The following GSE1 variants were observed in gnomAD, a reference collection of about 807,000 sequenced individuals.
GSE1 encodes Gse1 coiled-coil protein.
GSE1 carries 32 observed loss-of-function variants against 112.6 expected under a neutral mutation model. The observed-to-expected ratio is 0.28, with a 90% confidence interval of 0.21 to 0.38. The LOEUF (loss-of-function observed/expected upper bound fraction) is 0.38, where lower values mean the gene tolerates loss of function less well. Ranked by LOEUF, GSE1 falls within the 10% of genes least tolerant of loss-of-function variation. The probability of loss-of-function intolerance (pLI) is 1.00; values close to 1 mark genes in which losing one functional copy is unlikely to be tolerated. For synonymous variants in GSE1, 1,115 were observed against 735.6 expected (o/e 1.52, Z -8.35); for missense variants, 2,348 against 1,699.2 (o/e 1.38, Z -6.71).
chr16:85,254,628 C>T (rs1043950109), intron 1 of GSE1, among the ~76,000 whole-genome samples: 3 of 152,172 alleles, frequency 2.0e-5, no homozygotes, highest in South Asian at 2.1e-4. Flanking sequence ...CACACATCCT[C>T]GCGCCTCGCT....
intron 2 of GSE1, among the ~76,000 whole-genome samples, chr16:85,509,900 C>T (rs767563744): frequency 2.0e-5 from 3 of 152,204 alleles, no homozygotes; most frequent in South Asian, 2.1e-4. Context: ...CCCCTGCAGA[C>T]GGTTCCTCTG....
At chr16:85,651,551 G>A (rs1382995344) in intron 3 of GSE1, among the ~76,000 whole-genome samples, 1 of 152,208 alleles carries the variant, frequency 6.6e-6, no homozygotes, top group Non-Finnish European at 1.5e-5. Flanking sequence ...TTGTGGCGGG[G>A]CGGCTGGGGC....
chr16:85,354,701 G>T (rs1486873302), intron 1 of GSE1, among the ~76,000 whole-genome samples: 1 of 152,238 alleles, frequency 6.6e-6, no homozygotes, highest in African/African-American at 2.4e-5. Flanking sequence ...ATGCAGATGC[G>T]GCCCAGCATG....
At chr16:85,567,618 C>A (rs1261158229) in intron 1 of GSE1, among the ~76,000 whole-genome samples, 1 of 152,228 alleles carries the variant, frequency 6.6e-6, no homozygotes, top group Non-Finnish European at 1.5e-5. Flanking sequence ...GCTGCACGGC[C>A]TTTTAGGGCC....
chr16:85,312,206 G>GGGGGC lies in GSE1; in HGVS notation c.2284-45253_2284-45252insCGGGG, dbSNP rs1555559862. Among the ~76,000 whole-genome samples, 26 of 141,458 alleles carry GGGGGC rather than the reference G, an allele frequency of 1.8e-4. 4 individuals are homozygous for GGGGGC. The highest frequency in any genetic ancestry group is 3.4e-4 in the Non-Finnish European group (22 of 64,108). The allele number at this position is 141,458 out of a possible 152,430, so 92.8% of individuals were successfully genotyped here. ...CTGTGGTCTCTCTGATCCTCTTGCG[G>GGGGGC]GGGGGGGGGGGACACACTTACCCCC... On this transcript the variant is annotated intron_variant, in intron 1 of 2. Coordinates refer to the GSE1 transcript ENST00000637419.
In GSE1 at chr16:85,666,329, G is replaced by T. The variant is rs1330226942; in HGVS notation, c.3112G>T (p.Ala1038Ser). ...HESVLQSTQKALQKHKGSVAV... is the reference protein window; with the variant it reads ...HESVLQSTQKSLQKHKGSVAV... ...GTCAGTGCTGCAGTCCACCCAGAAG[G>T]CCCTGCAGAAGCATAAAGGTAATGA... Residue 1038 changes from alanine (A) to serine (S), a missense_variant, in exon 13 of 16, where the codon GCC becomes TCC. Ala to Ser is a moderately conservative substitution (Grantham distance 99). Transcript: ENST00000253458. 2.5e-6 allele frequency: 4 copies of T among 1,613,768 alleles called. No individual in the cohort carries two copies. Among genetic ancestry groups the T allele is most frequent in the Non-Finnish European group, 1.7e-6 (2 of 1,180,024 alleles).
chr16:85,246,259 A>G (rs1356306800), intron 1 of GSE1, among the ~76,000 whole-genome samples: 148 of 132,134 alleles, frequency 1.1e-3, no homozygotes, highest in African/African-American at 3.7e-3. Flanking sequence ...CGCTGTCTAC[A>G]CACACACACA....
intron 2 of GSE1, among the ~76,000 whole-genome samples, chr16:85,482,862 C>T (rs1481020303): frequency 6.6e-6 from 1 of 152,050 alleles, no homozygotes; most frequent in Non-Finnish European, 1.5e-5. Flanking sequence ...CCTGTAATCT[C>T]AGCTCCTTGG....
intron 2 of GSE1, among the ~76,000 whole-genome samples, chr16:85,408,131 CT>C (rs1373879673): frequency 2.0e-5 from 1 of 48,956 alleles, no homozygotes; most frequent in Non-Finnish European, 4.2e-5. Flanking sequence ...CTCAGGCCCC[CT>C]GGATAATCCT....
intron 1 of GSE1, among the ~76,000 whole-genome samples, chr16:85,356,540 T>A (rs1330820645): frequency 6.6e-6 from 1 of 152,190 alleles, no homozygotes; most frequent in Non-Finnish European, 1.5e-5. Flanking sequence ...CTGGCCAGCT[T>A]GTGGCGTAGA....
At chr16:85,266,931 C>G (rs192959102) in intron 1 of GSE1, among the ~76,000 whole-genome samples, 1 of 152,182 alleles carries the variant, frequency 6.6e-6, no homozygotes, top group Admixed American at 6.5e-5. Flanking sequence ...TTCTGGACAT[C>G]TGGTGCCTGC....
chr16:85,192,819 G>A (rs996987162), intron 1 of GSE1, among the ~76,000 whole-genome samples: 3 of 152,142 alleles, frequency 2.0e-5, no homozygotes, highest in Non-Finnish European at 4.4e-5. Flanking sequence ...AGAAGGCGAT[G>A]GGGTCGAGGC....
chr16:85,323,342 C>T (rs755508570), intron 1 of GSE1, among the ~76,000 whole-genome samples: 8 of 152,094 alleles, frequency 5.3e-5, no homozygotes, highest in Non-Finnish European at 8.8e-5. Context: ...AATTAGTGGC[C>T]CACTTGGACT....
Position 85,169,771 on chromosome 16 carries a change from TGC to T in GSE1, c.249_250del (p.Leu85GlyfsTer168). 2.0e-6 allele frequency: 2 copies of T among 983,864 alleles called. No homozygotes were observed. The highest frequency in any genetic ancestry group is 2.4e-6 in the Non-Finnish European group (2 of 829,400). The allele number at this position is 983,864 out of a possible 1,614,324, so 60.9% of individuals were successfully genotyped here. The stretch of plus-strand genomic sequence containing the variant: ...GCGCGAGCTGTCCCCGGCCGACGGC[TGC>T]GTGTTGGTGTGCGCCGTGTGCCGCT... On this transcript the variant is annotated frameshift_variant, in exon 1 of 3. Transcript: ENST00000637419. LOFTEE classifies it high-confidence loss of function.
chr16:85,566,458 G>A (rs1032220805), intron 1 of GSE1, among the ~76,000 whole-genome samples: 2 of 152,240 alleles, frequency 1.3e-5, no homozygotes, highest in African/African-American at 2.4e-5. Flanking sequence ...AAGGAAAGCC[G>A]AACTGGGTGA....
chr16:85,662,178 G>A, intron 9 of GSE1: 1 of 168,406 alleles, frequency 5.9e-6, no homozygotes, highest in Non-Finnish European at 1.3e-5. Context: ...GTGGGTCAGG[G>A]GTTGAGGACG....
rs556102091 is a variant in GSE1 at position 85,675,906 on chromosome 16, A to C, written c.*3367A>C. ...CTTTTCCATCCAGTGCTTAACCTAA[A>C]AAACTCCTTAACTCTGCCTTGACCT... is the stretch of plus-strand genomic sequence containing the variant. On this transcript the variant is annotated 3_prime_UTR_variant, in exon 16 of 16. Transcript: ENST00000253458. 1 of 152,678 alleles carries C rather than the reference A, an allele frequency of 6.5e-6. No individual in the cohort carries two copies. The highest frequency in any genetic ancestry group is 2.4e-5 in the African/African-American group (1 of 41,570). 9.5% of individuals were successfully genotyped at this position (152,678 alleles called of 1,614,324 possible). A position where few individuals can be genotyped will look rare whatever the true frequency, so the allele number is the denominator to read the frequency against.
chr16:85,641,480 C>T (rs1266896106), intron 2 of GSE1, among the ~76,000 whole-genome samples: 3 of 151,878 alleles, frequency 2.0e-5, no homozygotes, highest in Admixed American at 6.6e-5. Flanking sequence ...ACGCAGGCCG[C>T]GGGTCGGGAG....
intron 1 of GSE1, among the ~76,000 whole-genome samples, chr16:85,572,483 A>G (rs1272072984): frequency 6.8e-6 from 1 of 146,620 alleles, no homozygotes; most frequent in Non-Finnish European, 1.5e-5. Flanking sequence ...CACACACACC[A>G]CATGCACACA....
Sources: allele counts gnomAD v4.1 joint callset (sites outside exome capture counted in the v4.1 genomes callset), GRCh38; gene constraint gnomAD v4.1.1; transcripts MANE v1.5; gene names NCBI Gene and HGNC (gene_info 2026-07-23, HGNC 2026-07-21).